The following CREB5 variants were observed in gnomAD, a reference collection of about 807,000 sequenced individuals.
The protein encoded by CREB5 is cyclic AMP-responsive element-binding protein 5.
CREB5 carries 19 observed loss-of-function variants against 57.1 expected under a neutral mutation model. That is an observed-to-expected ratio of 0.33 (90% CI 0.23 to 0.49). The LOEUF is 0.49. Ranked by LOEUF, CREB5 falls within the 20% of genes least tolerant of loss-of-function variation. CREB5 has a pLI of 0.99. For synonymous variants in CREB5, 238 were observed against 238.3 expected, an observed-to-expected ratio of 1.00 and a Z score of 0.01; for missense variants, 579 against 671.6, an observed-to-expected ratio of 0.86 and a Z score of 1.52.
intron 1 of CREB5, among the ~76,000 whole-genome samples, chr7:28,397,199 C>A (rs754980700): frequency 2.1e-4 from 32 of 152,156 alleles, no homozygotes; most frequent in Non-Finnish European, 1.9e-4. Context: ...GTTTAGGTCC[C>A]ATATGTGAGG....
intron 5 of CREB5, among the ~76,000 whole-genome samples, chr7:28,612,457 T>C (rs563274004): frequency 1.2e-3 from 190 of 152,222 alleles, no homozygotes; most frequent in Middle Eastern, 6.8e-3. Flanking sequence ...GTGCTGATGA[T>C]GTTGTTTATT....
At chr7:28,446,626 A>G (rs1789485468) in intron 1 of CREB5, among the ~76,000 whole-genome samples, 3 of 152,046 alleles carry the variant, frequency 2.0e-5, no homozygotes, top group African/African-American at 4.8e-5. Context: ...TCCCATCTCC[A>G]CTGAAAATAC....
intron 4 of CREB5, among the ~76,000 whole-genome samples, chr7:28,553,578 G>A (rs1171747756): frequency 6.6e-6 from 1 of 152,162 alleles, no homozygotes; most frequent in East Asian, 1.9e-4. Flanking sequence ...TGAAACCATA[G>A]AGGCAGTCCT....
chr7:28,540,296 T>A (rs1211229993), intron 4 of CREB5, among the ~76,000 whole-genome samples: 1 of 152,204 alleles, frequency 6.6e-6, no homozygotes, highest in Non-Finnish European at 1.5e-5. Flanking sequence ...TAATATACAA[T>A]CCCTTGGGAA....
At chr7:28,552,174 A>G (rs1794698904) in intron 4 of CREB5, among the ~76,000 whole-genome samples, 1 of 152,016 alleles carries the variant, frequency 6.6e-6, no homozygotes, top group Non-Finnish European at 1.5e-5. Flanking sequence ...CCAAGTTGGG[A>G]TTACAGGCGC....
At chr7:28,642,714 A>G (rs965633768) in intron 5 of CREB5, among the ~76,000 whole-genome samples, 1 of 152,166 alleles carries the variant, frequency 6.6e-6, no homozygotes, top group Admixed American at 6.5e-5. Context: ...TTGATTGCTC[A>G]TGTATTAGTC....
chr7:28,415,529 G>C (rs980450509), intron 1 of CREB5, among the ~76,000 whole-genome samples: 12 of 152,198 alleles, frequency 7.9e-5, no homozygotes, highest in African/African-American at 2.6e-4. Context: ...AAAAACTGTA[G>C]TTTCTATTTC....
chr7:28,598,665 A>T (rs1324877004), intron 5 of CREB5, among the ~76,000 whole-genome samples: 1 of 152,178 alleles, frequency 6.6e-6, no homozygotes, highest in East Asian at 1.9e-4. Context: ...CTTGTGTGCC[A>T]AACTCCATCT....
At chr7:28,528,524 G>A (rs748820824) in intron 4 of CREB5, among the ~76,000 whole-genome samples, 7 of 152,030 alleles carry the variant, frequency 4.6e-5, no homozygotes, top group Admixed American at 6.6e-5. Context: ...GACCAACATG[G>A]AGAAACCCTG....
At chr7:28,701,334 T>G (rs1164385473) in intron 5 of CREB5, among the ~76,000 whole-genome samples, 1 of 152,184 alleles carries the variant, frequency 6.6e-6, no homozygotes, top group Non-Finnish European at 1.5e-5. Context: ...CCTCTTATTT[T>G]GGATAAAGCC....
At chr7:28,457,191 C>G (rs1464503782) in intron 1 of CREB5, among the ~76,000 whole-genome samples, 1 of 152,204 alleles carries the variant, frequency 6.6e-6, no homozygotes, top group Non-Finnish European at 1.5e-5. Flanking sequence ...ATGAAGCCCT[C>G]ATGACCTAAT....
chr7:28,348,987 G>A (rs753807566), intron 1 of CREB5, among the ~76,000 whole-genome samples: 1 of 152,206 alleles, frequency 6.6e-6, no homozygotes, highest in Non-Finnish European at 1.5e-5. Context: ...GGAAAGACAT[G>A]TGGTGTAGGA....
intron 5 of CREB5, among the ~76,000 whole-genome samples, chr7:28,604,318 G>A (rs1387037184): frequency 1.3e-5 from 2 of 152,070 alleles, no homozygotes; most frequent in African/African-American, 4.8e-5. Context: ...TATGCTTATG[G>A]TGAGATTTGG....
chr7:28,380,432 G>A (rs1020147250), intron 1 of CREB5, among the ~76,000 whole-genome samples: 3 of 152,164 alleles, frequency 2.0e-5, no homozygotes, highest in Admixed American at 2.0e-4. Context: ...CATAATGGCT[G>A]ACACCAGGTC....
intron 4 of CREB5, among the ~76,000 whole-genome samples, chr7:28,525,407 T>C (rs1002371935): frequency 6.6e-6 from 1 of 152,140 alleles, no homozygotes; most frequent in African/African-American, 2.4e-5. Context: ...CTCCATTCTG[T>C]CCTCCATAGT....
At chr7:28,686,346 T>C in intron 5 of CREB5, 1 of 640,830 alleles carries the variant, frequency 1.6e-6, no homozygotes, top group Non-Finnish European at 2.8e-6. Flanking sequence ...TCTCCTCTTC[T>C]TCCTTCTCCT....
intron 1 of CREB5, among the ~76,000 whole-genome samples, chr7:28,330,219 G>A (rs1487985051): frequency 6.6e-6 from 1 of 152,074 alleles, no homozygotes; most frequent in Non-Finnish European, 1.5e-5. Flanking sequence ...CCTTGGTATC[G>A]TACATTGGCT....
chr7:28,811,490 A>G (rs980957552), intron 9 of CREB5, among the ~76,000 whole-genome samples: 19 of 152,130 alleles, frequency 1.2e-4, no homozygotes, highest in African/African-American at 4.3e-4. Flanking sequence ...CCTGGACTCA[A>G]GTGTTCCTCC....
At chr7:28,654,080 A>G (rs944668458) in intron 5 of CREB5, among the ~76,000 whole-genome samples, 4 of 152,158 alleles carry the variant, frequency 2.6e-5, no homozygotes, top group African/African-American at 9.7e-5. Context: ...GCCAATATAC[A>G]TTACACCTGT....
Sources: allele counts gnomAD v4.1 joint callset (sites outside exome capture counted in the v4.1 genomes callset), GRCh38; gene constraint gnomAD v4.1.1; transcripts MANE v1.5; gene names NCBI Gene and HGNC (gene_info 2026-07-23, HGNC 2026-07-21).